TTC6: variants seen among roughly 807,000 people sequenced by gnomAD.
TTC6 encodes tetratricopeptide repeat protein 6.
In TTC6, 172 loss-of-function variants were observed where a neutral mutation model predicts 210.4. The observed-to-expected ratio is 0.82, with a 90% CI of 0.72 to 0.93. The LOEUF (loss-of-function observed/expected upper bound fraction) is 0.93. TTC6 is among the 40% of genes least tolerant of loss of function. TTC6 has a pLI of 0.00. For missense variants in TTC6, 2,414 were observed against 2,318.1 expected (o/e 1.04, Z -0.85); for synonymous variants, 804 against 819.6 (o/e 0.98, Z 0.32).
intron 7 of TTC6, among the ~76,000 whole-genome samples, chr14:37,730,165 T>C (rs2095882295): frequency 6.6e-6 from 1 of 152,224 alleles, no homozygotes; most frequent in Non-Finnish European, 1.5e-5. Context: ...GATATTTAGA[T>C]GCACAGATCT....
At chr14:37,839,664 T>G (rs2096205627) in intron 29 of TTC6, among the ~76,000 whole-genome samples, 2 of 152,242 alleles carry the variant, frequency 1.3e-5, no homozygotes, top group Admixed American at 1.3e-4. Context: ...AGATCTCGTT[T>G]ATCTATTTTG....
chr14:37,737,185 G>A (rs1390067400), intron 8 of TTC6, among the ~76,000 whole-genome samples: 2 of 152,098 alleles, frequency 1.3e-5, no homozygotes, highest in Non-Finnish European at 2.9e-5. Context: ...ACCAGTCTGG[G>A]TGTTATTATA....
At chr14:37,737,865 T>C in intron 9 of TTC6, 131 bp downstream of exon 11, 1 of 492,352 alleles carries the variant, frequency 2.0e-6, no homozygotes. Flanking sequence ...TATTGAGTTT[T>C]ATATAGTTTC....
chr14:37,709,282 C>T (rs2095840626), intron 5 of TTC6, among the ~76,000 whole-genome samples: 1 of 152,046 alleles, frequency 6.6e-6, no homozygotes, highest in South Asian at 2.1e-4. Context: ...GTTCCCTAGC[C>T]TAAGCCTCTC....
intron 29 of TTC6, among the ~76,000 whole-genome samples, chr14:37,831,093 G>T (rs2096183900): frequency 6.9e-6 from 1 of 145,088 alleles, no homozygotes; most frequent in Non-Finnish European, 1.5e-5. Flanking sequence ...ACCCCTCCCA[G>T]CCAATTGTAA....
At chr14:37,796,198 A>T (rs1421988435) in intron 18 of TTC6, 96 bp from the exon 21 acceptor site, 1 of 528,752 alleles carries the variant, frequency 1.9e-6, no homozygotes. Flanking sequence ...ATAAGAATGA[A>T]TATATTGTAA....
Position 37,715,421 on chromosome 14 carries a change from G to C in TTC6, c.1713+625G>C, listed in dbSNP as rs114800628. Among the ~76,000 whole-genome samples the C allele has an allele frequency of 2.7e-3, 416 of 152,004 alleles. 2 individuals carry two copies. The highest frequency in any genetic ancestry group is 9.7e-3 in the African/African-American group (401 of 41,456). On this transcript the variant is annotated intron_variant, in intron 6 of 30. Transcript: ENST00000553443. ...AATCCCAAACTGGAAAAATCCAAAGGAATATAGACCAAACCACATAATATT... is the reference window on the plus strand; with the variant it reads ...AATCCCAAACTGGAAAAATCCAAAGCAATATAGACCAAACCACATAATATT...
chr14:37,810,585 G>T (rs892801221), intron 24 of TTC6, among the ~76,000 whole-genome samples: 1 of 152,060 alleles, frequency 6.6e-6, no homozygotes, highest in Non-Finnish European at 1.5e-5. Context: ...ACATTTGTTT[G>T]CTTCTGGGTT....
chr14:37,704,613 T>C (rs2095831875), intron 5 of TTC6, among the ~76,000 whole-genome samples: 1 of 152,074 alleles, frequency 6.6e-6, no homozygotes. Context: ...ATGATCTTTT[T>C]ATATTAAAAT....
intron 3 of TTC6, among the ~76,000 whole-genome samples, chr14:37,695,040 C>CAAA (rs57506038): frequency 6.1e-4 from 35 of 57,140 alleles, no homozygotes; most frequent in East Asian, 1.7e-3. Flanking sequence ...GGCCCTGTCT[C>CAAA]AAAAAAAAAA....
chr14:37,740,701 T>C (rs2095916390), intron 10 of TTC6, among the ~76,000 whole-genome samples: 1 of 152,194 alleles, frequency 6.6e-6, no homozygotes, highest in East Asian at 1.9e-4. Context: ...CTGCAACAAA[T>C]ACAGTATCTG....
intron 26 of TTC6, among the ~76,000 whole-genome samples, chr14:37,818,646 GT>G (rs202077390): frequency 5.4e-5 from 8 of 149,156 alleles, no homozygotes; most frequent in East Asian, 2.0e-4. Context: ...TCCTATGAAA[GT>G]TTTTTTTTTA....
chr14:37,769,863 C>T (rs573582302), intron 14 of TTC6, among the ~76,000 whole-genome samples: 2,376 of 151,948 alleles, frequency 0.016, 67 homozygotes, highest in African/African-American at 0.054. Flanking sequence ...TGTGTTTGCT[C>T]TTGCTTTTCT....
intron 14 of TTC6, among the ~76,000 whole-genome samples, chr14:37,762,159 T>A (rs950225209): frequency 6.6e-6 from 1 of 152,246 alleles, no homozygotes; most frequent in Non-Finnish European, 1.5e-5. Flanking sequence ...TTTCCCTTTT[T>A]TTTTAAGAAA....
chr14:37,768,324 C>T (rs1447307734), intron 14 of TTC6, among the ~76,000 whole-genome samples: 1 of 151,342 alleles, frequency 6.6e-6, no homozygotes, highest in African/African-American at 2.4e-5. Context: ...GTAGTTTTTT[C>T]CAATTCTGTG....
intron 14 of TTC6, among the ~76,000 whole-genome samples, chr14:37,786,035 T>G (rs748466406): frequency 3.3e-5 from 5 of 152,156 alleles, no homozygotes; most frequent in Non-Finnish European, 7.3e-5. Flanking sequence ...TGTTGGCCCC[T>G]AGTGGGAAGT....
chr14:37,813,117 G>C (rs1404490650), intron 25 of TTC6, among the ~76,000 whole-genome samples: 43 of 151,990 alleles, frequency 2.8e-4, no homozygotes. Context: ...TGTTTCTGAG[G>C]AACTGCAACG....
chr14:37,684,496 G>GT (rs2095790270), intron 3 of TTC6, among the ~76,000 whole-genome samples: 1 of 152,246 alleles, frequency 6.6e-6, no homozygotes, highest in African/African-American at 2.4e-5. Flanking sequence ...TAGGAAGAAG[G>GT]TTTTGATCAG....
intron 5 of TTC6, among the ~76,000 whole-genome samples, chr14:37,708,828 A>T (rs2138723866): frequency 6.6e-6 from 1 of 152,094 alleles, no homozygotes. Flanking sequence ...TCCTGTTTTG[A>T]TTCTAGGCCA....
Sources: allele counts gnomAD v4.1 joint callset (sites outside exome capture counted in the v4.1 genomes callset), GRCh38; gene constraint gnomAD v4.1.1; transcripts MANE v1.5; gene names NCBI Gene and HGNC (gene_info 2026-07-23, HGNC 2026-07-21).